SGK1: variants seen among roughly 807,000 people sequenced by gnomAD.
The protein encoded by SGK1 is serine/threonine-protein kinase Sgk1.
Under a neutral mutation model 64.2 loss-of-function variants are expected in SGK1, and 26 were observed. That is an observed-to-expected ratio of 0.40 (90% confidence interval 0.30 to 0.56). The LOEUF (loss-of-function observed/expected upper bound fraction) is 0.56. Ranked by LOEUF, SGK1 falls within the 20% of genes least tolerant of loss-of-function variation. The pLI, the probability that SGK1 is intolerant of heterozygous loss-of-function variation, is 0.38. For synonymous variants in SGK1, 265 were observed against 239.7 expected (o/e 1.11, Z -0.98); for missense variants, 519 against 645.6 (o/e 0.80, Z 2.12).
At chr6:134,195,354 A>G (rs190864590) in intron 3 of SGK1, among the ~76,000 whole-genome samples, 134 of 152,376 alleles carry the variant, frequency 8.8e-4, no homozygotes, top group African/African-American at 3.1e-3. Flanking sequence ...TTTTGCTCCA[A>G]TTGGAAAGCT....
At chr6:134,194,507 G>GC (rs1172962203) in intron 3 of SGK1, among the ~76,000 whole-genome samples, 14 of 149,130 alleles carry the variant, frequency 9.4e-5, no homozygotes, top group African/African-American at 3.5e-4. Context: ...AATTCAATTT[G>GC]TCAAAAGTTT....
rs559075742 is a variant in SGK1, at chr6:134,261,702, T to C, written c.285+231A>G. 5.6e-5 allele frequency: 34 copies of C among 611,604 alleles called. 1 individual carries two copies. In the South Asian group the frequency reaches 6.7e-4, roughly 12 times the overall value. 37.9% of individuals were successfully genotyped at this position (611,604 alleles called of 1,614,324 possible). On this transcript the variant is annotated intron_variant, in intron 2 of 13. Coordinates refer to ENST00000367858, the MANE Select transcript of SGK1 (RefSeq NM_001143676.3). ...GGGACAAGCGTATATGGGTAATCTC[T>C]GTACCTTCTGCTCAATGTTGCTGTG...
intron 2 of SGK1, among the ~76,000 whole-genome samples, chr6:134,256,476 C>G (rs1443066459): frequency 6.6e-6 from 1 of 152,090 alleles, no homozygotes; most frequent in African/African-American, 2.4e-5. Flanking sequence ...TTCCTTAACA[C>G]CAGATTTCCT....
At chr6:134,173,733 ACTG>A in intron 5 of SGK1, 167 bp from the exon 6 acceptor site, 1 of 615,188 alleles carries the variant, frequency 1.6e-6, no homozygotes, top group East Asian at 2.8e-5. Flanking sequence ...GAGTATGGAA[ACTG>A]CACACAGTCA....
intron 1 of SGK1, among the ~76,000 whole-genome samples, chr6:134,291,203 C>T (rs1720031985): frequency 6.6e-6 from 1 of 152,142 alleles, no homozygotes; most frequent in East Asian, 1.9e-4. Context: ...TAGGAGCCCT[C>T]TGAAGGAGTC....
chr6:134,176,600 C>T (rs1041554416), intron 3 of SGK1, among the ~76,000 whole-genome samples: 1 of 152,204 alleles, frequency 6.6e-6, no homozygotes, highest in Non-Finnish European at 1.5e-5. Flanking sequence ...GTACCTGGCG[C>T]TCGCTGTTGC....
At position 134,173,583 on chromosome 6, in the gene SGK1, A is replaced by G. The variant is rs1775107104; in HGVS notation, c.514-17T>C. 1.3e-6 allele frequency: 2 copies of G among 1,509,380 alleles called. No homozygotes were observed. The highest frequency in any genetic ancestry group is 1.8e-6 in the Non-Finnish European group (2 of 1,104,620). The allele number at this position is 1,509,380 out of a possible 1,614,324, so 93.5% of individuals were successfully genotyped here. ...AGGACTTGGCTAGAAAAAAAAAAAA[A>G]GAATTTCTTTTAATACCATTGCTTC... On this transcript the variant is annotated splice_polypyrimidine_tract_variant and intron_variant, in intron 5 of 13. Coordinates refer to ENST00000367858, the MANE Select transcript of SGK1 (RefSeq NM_001143676.3).
intron 8 of SGK1, 65 bp from the exon 9 acceptor site, chr6:134,172,839 G>A: frequency 7.7e-7 from 1 of 1,305,976 alleles, no homozygotes; most frequent in South Asian, 1.2e-5. Context: ...GACATACACA[G>A]CAAAAGAACA....
At position 134,228,841 on chromosome 6, in the gene SGK1, C is replaced by CTTTTT. The variant is rs754300980; in HGVS notation, c.286-21415_286-21411dup. Among the ~76,000 whole-genome samples the CTTTTT allele has an allele frequency of 8.7e-4, 113 of 129,924 alleles. 2 individuals carry two copies. The highest frequency in any genetic ancestry group is 2.3e-3 in the African/African-American group (82 of 34,930). 85.2% of individuals were successfully genotyped at this position (129,924 alleles called of 152,430 possible). ...AGAAAATTCAGGTCTTGTAGTTGTT[C>CTTTTT]TTTTTTTTTTTTTTTTTTTTGAGAC... On this transcript the variant is annotated intron_variant, in intron 2 of 13. Coordinates refer to ENST00000367858, the MANE Select transcript of SGK1 (RefSeq NM_001143676.3).
intron 2 of SGK1, among the ~76,000 whole-genome samples, chr6:134,224,324 G>A (rs1346021877): frequency 6.6e-6 from 1 of 152,196 alleles, no homozygotes; most frequent in African/African-American, 2.4e-5. Context: ...GTGGGAGAAT[G>A]TCCAGGGAAT....
chr6:134,276,082 ATTTT>A (rs1777013225), intron 1 of SGK1, among the ~76,000 whole-genome samples: 1 of 152,030 alleles, frequency 6.6e-6, no homozygotes, highest in Non-Finnish European at 1.5e-5. Context: ...TTCCTGCTCT[ATTTT>A]CTGTCTGTGT....
At chr6:134,184,014 G>C (rs1181518902) in intron 3 of SGK1, among the ~76,000 whole-genome samples, 1 of 152,060 alleles carries the variant, frequency 6.6e-6, no homozygotes, top group Non-Finnish European at 1.5e-5. Flanking sequence ...GTCGCTGCCT[G>C]CCCCTCTGAC....
At chr6:134,202,173 G>A (rs908669880) in intron 3 of SGK1, among the ~76,000 whole-genome samples, 2 of 152,052 alleles carry the variant, frequency 1.3e-5, no homozygotes, top group African/African-American at 4.8e-5. Context: ...AAACTCTACA[G>A]GCCAGAAGAC....
chr6:134,221,997 T>C (rs1219932719), intron 2 of SGK1, among the ~76,000 whole-genome samples: 3 of 152,154 alleles, frequency 2.0e-5, no homozygotes, highest in Non-Finnish European at 4.4e-5. Context: ...TAATAAAAAA[T>C]GTGAATCATA....
chr6:134,270,364 C>G (rs1776920448), intron 1 of SGK1, among the ~76,000 whole-genome samples: 1 of 146,580 alleles, frequency 6.8e-6, no homozygotes, highest in African/African-American at 2.5e-5. Flanking sequence ...GCTTCTTAGG[C>G]CTTAGGAAAA....
At chr6:134,295,714 A>AAT (rs1554227884) in intron 1 of SGK1, among the ~76,000 whole-genome samples, 2 of 152,020 alleles carry the variant, frequency 1.3e-5, no homozygotes, top group Non-Finnish European at 2.9e-5. Context: ...GAAAAAAAAA[A>AAT]AAAAAGCCCT....
At chr6:134,267,411 C>T (rs984803936) in intron 1 of SGK1, among the ~76,000 whole-genome samples, 1 of 152,018 alleles carries the variant, frequency 6.6e-6, no homozygotes, top group Admixed American at 6.6e-5. Flanking sequence ...TATCCTCTCG[C>T]CTCAGCCTCC....
At chr6:134,177,868 C>A in intron 3 of SGK1, 1 of 1,560,152 alleles carries the variant, frequency 6.4e-7, no homozygotes, top group South Asian at 1.2e-5. Flanking sequence ...TTATGAACCC[C>A]ACTTTATATC....
intron 2 of SGK1, among the ~76,000 whole-genome samples, chr6:134,232,188 C>G (rs577326654): frequency 6.6e-6 from 1 of 151,376 alleles, no homozygotes; most frequent in South Asian, 2.1e-4. Context: ...AGAGTTCGGA[C>G]CAGCCTGGCC....
Sources: gnomAD v4.1 joint callset for allele counts (sites outside exome capture counted in the v4.1 genomes callset) on GRCh38, gnomAD v4.1.1 for gene constraint, MANE v1.5 for transcripts, NCBI Gene and HGNC (gene_info 2026-07-23, HGNC 2026-07-21) for gene names.